The following NOS1AP variants were observed in gnomAD, a reference collection of about 807,000 sequenced individuals.
NOS1AP encodes carboxyl-terminal PDZ ligand of neuronal nitric oxide synthase protein.
NOS1AP carries 21 observed loss-of-function variants against 56.2 expected under a neutral mutation model. That is an observed-to-expected ratio of 0.37 (90% CI 0.26 to 0.54). The LOEUF (loss-of-function observed/expected upper bound fraction) is 0.54, where lower values mean the gene tolerates loss of function less well. NOS1AP is among the 20% of genes least tolerant of loss of function. NOS1AP has a pLI of 0.84. For missense variants in NOS1AP, 522 were observed against 657.8 expected (o/e 0.79, Z 2.26); for synonymous variants, 270 against 274.6 (o/e 0.98, Z 0.17).
chr1:162,250,024 G>A (rs934989825), intron 2 of NOS1AP, among the ~76,000 whole-genome samples: 1 of 152,198 alleles, frequency 6.6e-6, no homozygotes, highest in Admixed American at 6.5e-5. Context: ...CAGGAATGGA[G>A]CAGTCAAATC....
intron 2 of NOS1AP, among the ~76,000 whole-genome samples, chr1:162,223,923 G>A (rs1343856829): frequency 6.6e-6 from 1 of 152,104 alleles, no homozygotes; most frequent in Non-Finnish European, 1.5e-5. Context: ...GAATCAAAAT[G>A]GCACCTTTCA....
chr1:162,299,024 G>T (rs1427855585), intron 3 of NOS1AP, among the ~76,000 whole-genome samples: 2 of 152,192 alleles, frequency 1.3e-5, no homozygotes, highest in Non-Finnish European at 2.9e-5. Flanking sequence ...TAAAGATTTT[G>T]CCCTGAGATC....
chr1:162,114,760 T>G (rs557680186), intron 1 of NOS1AP, among the ~76,000 whole-genome samples: 1 of 152,330 alleles, frequency 6.6e-6, no homozygotes, highest in South Asian at 2.1e-4. Context: ...CAGCATCGTG[T>G]TCTGTCTAGA....
rs41405649 is a variant in NOS1AP, at chr1:162,357,014, T to G, written c.817T>G (p.Ser273Ala). 1.9e-4 allele frequency: 313 copies of G among 1,613,104 alleles called. 4 individuals are homozygous for G. In the East Asian group the frequency reaches 6.9e-3, roughly 35 times the overall value. The change falls in exon 8 of 10, where the codon TCT becomes GCT. Residue 273 changes from serine (S) to alanine (A), a missense_variant. Ser to Ala is a moderately conservative substitution (Grantham distance 99, BLOSUM62 1). Around this residue, in one of 4 missense-constraint regions of NOS1AP, gnomAD observed 178 missense variants for 165.0 expected, o/e 1.08. Transcript: ENST00000361897. ...LTASPRMLLP[S>A]SSSKPPGLGT... The stretch of plus-strand genomic sequence containing the variant: ...AGCCTCACCCAGGATGCTGCTCCCT[T>G]CTTCTTCCTCGAAGCCTCCAGGCCT...
intron 6 of NOS1AP, among the ~76,000 whole-genome samples, chr1:162,345,291 A>C (rs61808538): frequency 6.8e-6 from 1 of 146,406 alleles, no homozygotes; most frequent in African/African-American, 2.5e-5. Flanking sequence ...TATCTCCCAA[A>C]GCTATCCCTC....
chr1:162,352,122 T>C (rs1160770042), intron 6 of NOS1AP, among the ~76,000 whole-genome samples: 2 of 152,048 alleles, frequency 1.3e-5, no homozygotes, highest in Non-Finnish European at 2.9e-5. Flanking sequence ...TGCAGTGGCA[T>C]GATCTCAGCT....
At chr1:162,251,857 G>GTTTTTTTTT (rs771192069) in intron 2 of NOS1AP, among the ~76,000 whole-genome samples, 1 of 100,446 alleles carries the variant, frequency 1.0e-5, no homozygotes, top group African/African-American at 3.9e-5. Context: ...CTAGCTAGTT[G>GTTTTTTTTT]TTTTTTTTTT....
chr1:162,172,434 G>A (rs902913000), intron 2 of NOS1AP, among the ~76,000 whole-genome samples: 2 of 152,196 alleles, frequency 1.3e-5, no homozygotes, highest in African/African-American at 4.8e-5. Flanking sequence ...TGGAGTGGGG[G>A]ATGTGGGCCT....
intron 1 of NOS1AP, among the ~76,000 whole-genome samples, chr1:162,124,043 G>C (rs1285777594): frequency 6.6e-6 from 1 of 152,074 alleles, no homozygotes; most frequent in Non-Finnish European, 1.5e-5. Context: ...ATCCAATCCA[G>C]GCTAGTGTAA....
chr1:162,300,573 A>G, intron 3 of NOS1AP, 60 bp from the exon 4 acceptor site: 1 of 1,425,262 alleles, frequency 7.0e-7, no homozygotes, highest in East Asian at 2.3e-5. Context: ...ATAAGTATGC[A>G]TAGCTCAGTG....
chr1:162,334,783 A>G (rs920617313), intron 5 of NOS1AP, among the ~76,000 whole-genome samples: 27 of 152,206 alleles, frequency 1.8e-4, no homozygotes, highest in African/African-American at 6.5e-4. Flanking sequence ...GTCTGTAAAG[A>G]AGGTAAGACA....
intron 2 of NOS1AP, among the ~76,000 whole-genome samples, chr1:162,243,266 C>G (rs1364748140): frequency 2.0e-5 from 3 of 152,052 alleles, no homozygotes; most frequent in Admixed American, 6.6e-5. Flanking sequence ...TCTCAAGGTC[C>G]CATCAAGCAC....
At chr1:162,326,586 T>C (rs569266781) in intron 4 of NOS1AP, among the ~76,000 whole-genome samples, 96 of 152,246 alleles carry the variant, frequency 6.3e-4, no homozygotes, top group African/African-American at 2.0e-3. Context: ...AGATCTGCAA[T>C]TGGGAAGGTG....
At chr1:162,159,087 C>T (rs1334678995) in intron 2 of NOS1AP, among the ~76,000 whole-genome samples, 2 of 152,174 alleles carry the variant, frequency 1.3e-5, no homozygotes, top group Non-Finnish European at 2.9e-5. Context: ...AGGTTGCTGG[C>T]ATTGCACTGT....
At chr1:162,317,058 A>T (rs1454849844) in intron 4 of NOS1AP, 1 of 152,172 alleles carries the variant, frequency 6.6e-6, no homozygotes, top group Non-Finnish European at 1.5e-5. Flanking sequence ...TAAAGGGTAA[A>T]TGTGTTCATC....
At chr1:162,288,931 A>T (rs752111437) in intron 3 of NOS1AP, among the ~76,000 whole-genome samples, 92 of 152,106 alleles carry the variant, frequency 6.0e-4, no homozygotes, top group Non-Finnish European at 1.1e-3. Flanking sequence ...CAGTCACGGG[A>T]CAGTCTTTAG....
chr1:162,100,350 T>C (rs1163729948), intron 1 of NOS1AP, among the ~76,000 whole-genome samples: 1 of 152,200 alleles, frequency 6.6e-6, no homozygotes, highest in African/African-American at 2.4e-5. Context: ...TGGTATCTCA[T>C]TGTGGTTTCG....
intron 4 of NOS1AP, among the ~76,000 whole-genome samples, chr1:162,315,846 G>A (rs1656211414): frequency 1.3e-5 from 2 of 152,152 alleles, no homozygotes; most frequent in African/African-American, 2.4e-5. Flanking sequence ...CCCACAGTGG[G>A]GATCTAATTA....
At position 162,370,178 on chromosome 1, in the gene NOS1AP, T is replaced by G. The variant is rs370112964; in HGVS notation, c.*2711T>G. On this transcript the variant is annotated 3_prime_UTR_variant, in exon 10 of 10. Coordinates refer to ENST00000361897, the MANE Select transcript of NOS1AP (RefSeq NM_014697.3). ...GCACTGGATGGACTGTATATTGAGA[T>G]TAAAAATTATATTCCTTATATTCCT... is the stretch of plus-strand genomic sequence containing the variant. 4.6e-5 allele frequency: 7 copies of G among 152,320 alleles called. No homozygotes were observed. In the East Asian group the frequency reaches 1.3e-3, roughly 29 times the overall value. 9.4% of individuals were successfully genotyped at this position (152,320 alleles called of 1,614,324 possible).
Sources: allele counts gnomAD v4.1 joint callset (sites outside exome capture counted in the v4.1 genomes callset), GRCh38; gene constraint gnomAD v4.1.1; regional missense constraint gnomAD v4.1.1; transcripts MANE v1.5; gene names NCBI Gene and HGNC (gene_info 2026-07-23, HGNC 2026-07-21).